Variants in LARGE1 observed in about 807,000 individuals in gnomAD.
LARGE1 encodes xylosyl- and glucuronyltransferase LARGE1.
LARGE1 carries 43 observed loss-of-function variants against 87.6 expected under a neutral mutation model. The ratio of observed to expected loss-of-function variants is 0.49; its 90% CI spans 0.38 to 0.63. The LOEUF (loss-of-function observed/expected upper bound fraction) is 0.63. Ranked by LOEUF, LARGE1 falls within the 30% of genes least tolerant of loss-of-function variation. The probability of loss-of-function intolerance (pLI) is 0.00; values close to 1 mark genes in which losing one functional copy is unlikely to be tolerated. For missense variants in LARGE1, 802 were observed against 1,000.2 expected (o/e 0.80, Z 2.67); for synonymous variants, 434 against 394.6 (o/e 1.10, Z -1.18).
intron 1 of LARGE1, among the ~76,000 whole-genome samples, chr22:33,902,815 G>A (rs564277345): frequency 1.3e-5 from 2 of 152,264 alleles, no homozygotes; most frequent in East Asian, 1.9e-4. Context: ...AAATGTGACC[G>A]TATTTAGTGA....
At chr22:33,831,888 C>T (rs995232806) in intron 1 of LARGE1, among the ~76,000 whole-genome samples, 1 of 152,176 alleles carries the variant, frequency 6.6e-6, no homozygotes, top group Non-Finnish European at 1.5e-5. Context: ...CCCGAGGCAA[C>T]CACTCCACCT....
At chr22:33,568,715 G>C in intron 5 of LARGE1, among the ~76,000 whole-genome samples, 1 of 136,414 alleles carries the variant, frequency 7.3e-6, no homozygotes, top group East Asian at 2.2e-4. Context: ...GCGGTGAGCA[G>C]AGATCGCACC....
the LARGE1 span, among the ~76,000 whole-genome samples, chr22:33,142,137 T>G: frequency 6.6e-6 from 1 of 152,230 alleles, no homozygotes; most frequent in Non-Finnish European, 1.5e-5. Context: ...TGATCAGAGC[T>G]TGTGCTTAAA....
At chr22:33,476,055 C>A (rs2069063883) in intron 6 of LARGE1, among the ~76,000 whole-genome samples, 1 of 152,204 alleles carries the variant, frequency 6.6e-6, no homozygotes, top group South Asian at 2.1e-4. Flanking sequence ...AAAACAAAAG[C>A]TACGTATCTT....
chr22:33,259,068 C>T lies in LARGE1; in HGVS notation c.1730+45161G>A, dbSNP rs774743996. ...AATATATTTGTATTTTTAGTAGAGA[C>T]GAGATTTCACCATGTTGGCCAGGAT... is the stretch of plus-strand genomic sequence containing the variant. On this transcript the variant is annotated intron_variant, in intron 11 of 11. Transcript: ENST00000608642. 5.9e-5 allele frequency among the ~76,000 whole-genome samples: 9 copies of T among 151,948 alleles called. 1 individual carries two copies. Among genetic ancestry groups the T allele is most frequent in the East Asian group, 3.9e-4 (2 of 5,164 alleles).
chr22:33,502,655 G>A (rs561586853), intron 6 of LARGE1, among the ~76,000 whole-genome samples: 8 of 151,916 alleles, frequency 5.3e-5, no homozygotes, highest in African/African-American at 1.2e-4. Flanking sequence ...TGCAAGCTCC[G>A]CCTCCAGGGT....
At chr22:33,290,553 C>T (rs1392189388) in intron 12 of LARGE1, among the ~76,000 whole-genome samples, 1 of 152,168 alleles carries the variant, frequency 6.6e-6, no homozygotes, top group African/African-American at 2.4e-5. Context: ...CACCTAAAAG[C>T]CAGGAGAAAA....
At chr22:33,446,422 T>C (rs1409300177) in intron 6 of LARGE1, among the ~76,000 whole-genome samples, 1 of 152,158 alleles carries the variant, frequency 6.6e-6, no homozygotes, top group African/African-American at 2.4e-5. Flanking sequence ...CCACTATGTG[T>C]GGCTGGCGTC....
intron 1 of LARGE1, among the ~76,000 whole-genome samples, chr22:33,769,430 C>T (rs187243915): frequency 5.9e-5 from 9 of 152,342 alleles, no homozygotes; most frequent in Non-Finnish European, 1.2e-4. Context: ...ATTTTGCCCA[C>T]TGCTGCCTTG....
chr22:33,402,556 G>A (rs780750774), intron 7 of LARGE1, among the ~76,000 whole-genome samples: 8 of 152,112 alleles, frequency 5.3e-5, no homozygotes, highest in Non-Finnish European at 8.8e-5. Context: ...GCATGACCTT[G>A]GGCAGGTTAC....
intron 10 of LARGE1, among the ~76,000 whole-genome samples, chr22:33,328,639 A>G (rs910952125): frequency 1.7e-4 from 26 of 151,638 alleles, no homozygotes; most frequent in African/African-American, 6.3e-4. Flanking sequence ...AAAAAAGGAG[A>G]TAACAGGAAC....
intron 11 of LARGE1, among the ~76,000 whole-genome samples, chr22:33,243,588 T>G (rs1198667290): frequency 6.6e-6 from 1 of 152,252 alleles, no homozygotes; most frequent in Non-Finnish European, 1.5e-5. Context: ...TTTTTCCTTT[T>G]ATTGCTGAGT....
chr22:33,206,716 C>A (rs1415910462), intron 11 of LARGE1, among the ~76,000 whole-genome samples: 1 of 152,182 alleles, frequency 6.6e-6, no homozygotes, highest in Non-Finnish European at 1.5e-5. Flanking sequence ...TAATAACTCT[C>A]TTGGAGAAAA....
At chr22:33,498,548 C>T (rs1391677685) in intron 6 of LARGE1, among the ~76,000 whole-genome samples, 2 of 152,184 alleles carry the variant, frequency 1.3e-5, no homozygotes, top group Non-Finnish European at 2.9e-5. Context: ...CTTCTAAACA[C>T]CTAAGGGTTG....
chr22:33,829,006 CTTTTTTT>C (rs776583343), intron 1 of LARGE1, among the ~76,000 whole-genome samples: 7 of 94,800 alleles, frequency 7.4e-5, no homozygotes, highest in African/African-American at 1.1e-4. Context: ...GTCTCTTTTT[CTTTTTTT>C]TTTTTTTTTT....
At chr22:33,878,735 A>G (rs1473453102) in intron 1 of LARGE1, among the ~76,000 whole-genome samples, 1 of 152,122 alleles carries the variant, frequency 6.6e-6, no homozygotes, top group African/African-American at 2.4e-5. Context: ...CTAATCCTTA[A>G]AAGAGAGGCT....
At chr22:33,884,427 AC>A (rs1425541777) in intron 1 of LARGE1, among the ~76,000 whole-genome samples, 18 of 152,182 alleles carry the variant, frequency 1.2e-4, no homozygotes, top group Admixed American at 3.9e-4. Context: ...CACTTATCAA[AC>A]CCCACTTCTC....
intron 6 of LARGE1, among the ~76,000 whole-genome samples, chr22:33,518,189 A>G (rs557733417): frequency 6.6e-6 from 1 of 152,382 alleles, no homozygotes. Flanking sequence ...TACGTGGCAT[A>G]GAGGAACTCA....
intron 1 of LARGE1, among the ~76,000 whole-genome samples, chr22:33,896,676 T>C (rs2065153769): frequency 6.6e-6 from 1 of 152,190 alleles, no homozygotes; most frequent in African/African-American, 2.4e-5. Context: ...CAGCACTCCA[T>C]CTACTGAGGC....
Sources: gnomAD v4.1 joint callset for allele counts (sites outside exome capture counted in the v4.1 genomes callset) on GRCh38, gnomAD v4.1.1 for gene constraint, MANE v1.5 for transcripts, NCBI Gene and HGNC (gene_info 2026-07-23, HGNC 2026-07-21) for gene names.